SLC22A2: variants seen among roughly 807,000 people sequenced by gnomAD.
The protein encoded by SLC22A2 is solute carrier family 22 member 2.
Under a neutral mutation model 60.5 loss-of-function variants are expected in SLC22A2, and 46 were observed. That is an observed-to-expected ratio of 0.76 (90% CI 0.60 to 0.97). The LOEUF (loss-of-function observed/expected upper bound fraction) is 0.97, where lower values mean the gene tolerates loss of function less well. Ranked by LOEUF, SLC22A2 falls within the 50% of genes least tolerant of loss-of-function variation. The pLI is 0.00. For missense variants in SLC22A2, 701 were observed against 706.6 expected, an observed-to-expected ratio of 0.99 and a Z score of 0.09; for synonymous variants, 303 against 267.0, an observed-to-expected ratio of 1.13 and a Z score of -1.31.
At chr6:160,232,823 T>C (rs1782846682) in intron 9 of SLC22A2, among the ~76,000 whole-genome samples, 1 of 152,080 alleles carries the variant, frequency 6.6e-6, no homozygotes, top group South Asian at 2.1e-4. Flanking sequence ...CCTTCTCATC[T>C]GACCACTCCC....
chr6:160,222,139 G>A (rs995007644), intron 10 of SLC22A2, among the ~76,000 whole-genome samples: 8 of 152,218 alleles, frequency 5.3e-5, no homozygotes, highest in African/African-American at 1.9e-4. Context: ...AAGGAAAACA[G>A]GCTTAAGAAG....
chr6:160,249,047 G>A (rs1463141374), intron 4 of SLC22A2, among the ~76,000 whole-genome samples, 169 bp downstream of exon 4: 2 of 152,208 alleles, frequency 1.3e-5, no homozygotes, highest in Non-Finnish European at 2.9e-5. Flanking sequence ...ACGGAGAGGT[G>A]AAGCTTGTGG....
chr6:160,241,631 C>T (rs1200566439), intron 8 of SLC22A2, 45 bp from the exon 9 acceptor site: 1 of 1,202,454 alleles, frequency 8.3e-7, no homozygotes, highest in South Asian at 1.2e-5. Flanking sequence ...TATCACAGTG[C>T]AGTAGTTATC....
rs760282403 is a variant in SLC22A2, at chr6:160,241,498, G to A, written c.1477C>T (p.Leu493Phe). The change falls in exon 9 of 11, where the codon CTT becomes TTT. Residue 493 changes from leucine (L) to phenylalanine (F), a missense_variant. Transcript: ENST00000366953. ...FLVYRLTNIW[L>F]ELPLMVFGVL... Reference sequence around the variant, plus strand: ...CCGAAAACCATCAGCGGGAGCTCAAGCCAGATGTTAGTGAGCCGGTAGACC... The same window carrying A: ...CCGAAAACCATCAGCGGGAGCTCAAACCAGATGTTAGTGAGCCGGTAGACC... 1.9e-6 allele frequency: 3 copies of A among 1,612,930 alleles called. No homozygotes were observed. Among genetic ancestry groups the A allele is most frequent in the Non-Finnish European group, 2.5e-6 (3 of 1,178,994 alleles).
Position 160,252,200 on chromosome 6 carries a change from C to G in SLC22A2, c.519-1498G>C, listed in dbSNP as rs147287831. Among the ~76,000 whole-genome samples the G allele has an allele frequency of 2.6e-3, 396 of 152,298 alleles. 1 individual carries two copies. The highest frequency in any genetic ancestry group is 8.3e-3 in the African/African-American group (345 of 41,566). On this transcript the variant is annotated intron_variant, in intron 2 of 10. Transcript: ENST00000366953. ...AACTTAATTTTTTAGCATTTCTTCC[C>G]ACATTTTCCTACCCAAACCCCTTCC...
chr6:160,224,580 A>T, intron 10 of SLC22A2, 125 bp downstream of exon 10: 2 of 485,246 alleles, frequency 4.1e-6, no homozygotes, highest in Non-Finnish European at 7.2e-6. Context: ...CAAGTCTTTG[A>T]TTTAGTTTGA....
At position 160,245,469 on chromosome 6, in the gene SLC22A2, C is replaced by G. The variant is rs746445936; in HGVS notation, c.1034G>C (p.Arg345Thr). The part of the protein sequence containing the change: ...FLDLVRTPQI[R>T]KHTMILMYNW... ...GTACATCAATATCATAGTATGTTTC[C>G]TTATCTGAGGAGTTCTGACCAAGTC... The change falls in exon 6 of 11, where the codon AGG (arginine) becomes ACG (threonine). Residue 345 changes from arginine to threonine, a missense_variant. Coordinates refer to ENST00000366953, the MANE Select transcript of SLC22A2 (RefSeq NM_003058.4). The G allele has an allele frequency of 1.9e-6, 3 of 1,604,446 alleles. No homozygotes were observed. In the South Asian group the frequency reaches 3.3e-5, roughly 18 times the overall value.
At chr6:160,221,070 C>T (rs1171299053) in intron 10 of SLC22A2, among the ~76,000 whole-genome samples, 1 of 152,128 alleles carries the variant, frequency 6.6e-6, no homozygotes, top group Non-Finnish European at 1.5e-5. Context: ...TCATGAAAGT[C>T]CTAAATGGCA....
intron 9 of SLC22A2, among the ~76,000 whole-genome samples, chr6:160,231,646 A>G (rs11753349): frequency 0.098 from 14,935 of 151,812 alleles, 875 homozygotes; most frequent in Non-Finnish European, 0.12. Flanking sequence ...GCGCCTTATC[A>G]ACCAAATTGT....
At chr6:160,224,044 T>C (rs1782685008) in intron 10 of SLC22A2, among the ~76,000 whole-genome samples, 1 of 152,196 alleles carries the variant, frequency 6.6e-6, no homozygotes, top group African/African-American at 2.4e-5. Context: ...TTTGTAATTT[T>C]TATACTACTA....
Position 160,258,541 on chromosome 6 carries a change from A to G in SLC22A2, c.217T>C (p.Tyr73His), listed in dbSNP as rs1160741001. Residue 73 changes from tyrosine to histidine, a missense_variant, in exon 1 of 11, where the codon TAC becomes CAC. By Grantham distance (83) the Tyr-to-His change is moderately conservative (BLOSUM62 2). Coordinates refer to ENST00000366953, the MANE Select transcript of SLC22A2 (RefSeq NM_003058.4). The stretch of plus-strand genomic sequence containing the variant: ...GCAGGTCCTGGGCCCGGCACCGTGT[A>G]GTTCAGTTCCTCTGCAGGACTCCAG... ...CGWSPAEELNYTVPGPGPAGE... is the reference protein window; with the variant it reads ...CGWSPAEELNHTVPGPGPAGE... The G allele has an allele frequency of 2.5e-6, 4 of 1,613,848 alleles. No individual in the cohort carries two copies. Among genetic ancestry groups the G allele is most frequent in the African/African-American group, 1.3e-5 (1 of 74,926 alleles).
At position 160,216,825 on chromosome 6, in the gene SLC22A2, T is replaced by G. The variant is rs1782545118; in HGVS notation, c.*607A>C. ...TTTTGTAGAAAATACACATTCATGC[T>G]TACCCAATCTAAATATGGAAGGACC... On this transcript the variant is annotated 3_prime_UTR_variant, in exon 11 of 11. Transcript: ENST00000366953. 6.6e-6 allele frequency: 1 copy of G among 152,136 alleles called. No homozygotes were observed. Among genetic ancestry groups the G allele is most frequent in the African/African-American group, 2.4e-5 (1 of 41,390 alleles). The allele number at this position is 152,136 out of a possible 1,614,324, so 9.4% of individuals were successfully genotyped here. A position where few individuals can be genotyped will look rare whatever the true frequency, so the allele number is the denominator to read the frequency against.
chr6:160,247,175 C>G lies in SLC22A2; in HGVS notation c.957+9G>C, dbSNP rs773921254. The G allele has an allele frequency of 2.0e-5, 30 of 1,489,676 alleles. No homozygotes were observed. Among genetic ancestry groups the G allele is most frequent in the Middle Eastern group, 1.7e-4 (1 of 5,758 alleles). The allele number at this position is 1,489,676 out of a possible 1,614,324, so 92.3% of individuals were successfully genotyped here. A position where few individuals can be genotyped will look rare whatever the true frequency, so the allele number is the denominator to read the frequency against. On this transcript the variant is annotated intron_variant, in intron 5 of 10. Transcript: ENST00000366953. ...ATCCCCTGATTTGATACTTAAGGCC[C>G]TGGCTCACCTGAAGGGAGGCGGGTA...
At chr6:160,235,826 A>T (rs1782901646) in intron 9 of SLC22A2, among the ~76,000 whole-genome samples, 1 of 152,074 alleles carries the variant, frequency 6.6e-6, no homozygotes. Context: ...CTAATGTAAA[A>T]GTGAAATTTG....
intron 2 of SLC22A2, among the ~76,000 whole-genome samples, chr6:160,255,522 A>G (rs1216870073): frequency 6.6e-6 from 1 of 152,232 alleles, no homozygotes; most frequent in African/African-American, 2.4e-5. Flanking sequence ...CATAAAATGC[A>G]TTGACTTTAC....
At chr6:160,226,354 C>T (rs1411248376) in intron 9 of SLC22A2, among the ~76,000 whole-genome samples, 1 of 152,166 alleles carries the variant, frequency 6.6e-6, no homozygotes, top group Admixed American at 6.5e-5. Context: ...CAGTCTCCCA[C>T]ACAGCCGGCT....
At chr6:160,226,217 C>T (rs1413086719) in intron 9 of SLC22A2, among the ~76,000 whole-genome samples, 1 of 152,184 alleles carries the variant, frequency 6.6e-6, no homozygotes, top group Non-Finnish European at 1.5e-5. Context: ...ACAGCTTTGA[C>T]TCCCTATGAT....
intron 3 of SLC22A2, 57 bp from the exon 4 acceptor site, chr6:160,249,441 C>T (rs1783149423): frequency 9.9e-6 from 14 of 1,407,500 alleles, no homozygotes. Context: ...GTTGGCTGTC[C>T]AGCTATCAGG....
chr6:160,253,852 G>A (rs1783226153), intron 2 of SLC22A2, among the ~76,000 whole-genome samples: 1 of 152,160 alleles, frequency 6.6e-6, no homozygotes, highest in African/African-American at 2.4e-5. Flanking sequence ...TATGTCCTGT[G>A]ATGTCATTTT....
Sources: gnomAD v4.1 joint callset for allele counts (sites outside exome capture counted in the v4.1 genomes callset) on GRCh38, gnomAD v4.1.1 for gene constraint, MANE v1.5 for transcripts, NCBI Gene and HGNC (gene_info 2026-07-23, HGNC 2026-07-21) for gene names.